The following PTN variants were observed in gnomAD, a reference collection of about 807,000 sequenced individuals.
The protein encoded by PTN is pleiotrophin.
Under a neutral mutation model 24.1 loss-of-function variants are expected in PTN, and 18 were observed. That is an observed-to-expected ratio of 0.75 (90% CI 0.52 to 1.11). The LOEUF is 1.11. Ranked by LOEUF, PTN falls within the 50% of genes least tolerant of loss-of-function variation. The pLI is 0.00. For missense variants in PTN, 163 were observed against 198.8 expected, an observed-to-expected ratio of 0.82 and a Z score of 1.08; for synonymous variants, 78 against 68.6, an observed-to-expected ratio of 1.14 and a Z score of -0.67.
intron 1 of PTN, among the ~76,000 whole-genome samples, chr7:137,341,092 A>T (rs563831020): frequency 6.6e-6 from 1 of 152,350 alleles, no homozygotes; most frequent in African/African-American, 2.4e-5. Context: ...ACAAATAGGA[A>T]TATGGTCAGA....
At chr7:137,272,309 T>C (rs2128874546) in intron 1 of PTN, among the ~76,000 whole-genome samples, 1 of 152,350 alleles carries the variant, frequency 6.6e-6, no homozygotes, top group South Asian at 2.1e-4. Context: ...GAAGTACTTA[T>C]AATTATTTAA....
chr7:137,277,546 T>C (rs374030121), intron 1 of PTN, among the ~76,000 whole-genome samples: 234 of 152,216 alleles, frequency 1.5e-3, no homozygotes, highest in African/African-American at 5.4e-3. Flanking sequence ...AATTGTAGTA[T>C]AGTCAAACAA....
At chr7:137,329,090 T>C (rs1184408446) in intron 1 of PTN, among the ~76,000 whole-genome samples, 2 of 152,180 alleles carry the variant, frequency 1.3e-5, no homozygotes, top group African/African-American at 4.8e-5. Context: ...AAGTTACTTC[T>C]GAGATACATT....
At chr7:137,296,137 TTAAGTA>T (rs1357825184) in intron 1 of PTN, among the ~76,000 whole-genome samples, 10 of 152,206 alleles carry the variant, frequency 6.6e-5, no homozygotes, top group East Asian at 1.9e-4. Context: ...CTCCATCTCT[TTAAGTA>T]TAAGTACTAA....
At position 137,228,517 on chromosome 7, in the gene PTN, G is replaced by A. The variant is rs115241237; in HGVS notation, c.452-442C>T. Reference sequence around the variant, plus strand: ...CCCTCATTTCCCCCATTCCCTTTCCGTAGGACTCTTTGATAGTATATTTTC... The same window carrying A: ...CCCTCATTTCCCCCATTCCCTTTCCATAGGACTCTTTGATAGTATATTTTC... On this transcript the variant is annotated intron_variant, in intron 4 of 4. Transcript: ENST00000348225. Among the ~76,000 whole-genome samples the A allele has an allele frequency of 4.8e-3, 732 of 151,712 alleles. 7 individuals carry two copies. The highest frequency in any genetic ancestry group is 0.017 in the African/African-American group (700 of 41,454).
chr7:137,336,425 T>C (rs1273863149), intron 1 of PTN, among the ~76,000 whole-genome samples: 1 of 152,062 alleles, frequency 6.6e-6, no homozygotes. Context: ...AGGTCAGCAA[T>C]AAAGTGCCTG....
At chr7:137,280,583 G>T (rs1809450937) in intron 1 of PTN, among the ~76,000 whole-genome samples, 1 of 151,150 alleles carries the variant, frequency 6.6e-6, no homozygotes, top group Admixed American at 6.6e-5. Context: ...GCTGTGCGTG[G>T]TGGCTCATGC....
At chr7:137,298,711 CA>C (rs1245270426) in intron 1 of PTN, among the ~76,000 whole-genome samples, 1 of 151,976 alleles carries the variant, frequency 6.6e-6, no homozygotes, top group Non-Finnish European at 1.5e-5. Context: ...CCAACTCTGT[CA>C]ACTCCCTTTG....
chr7:137,308,829 C>T (rs1252569496), intron 1 of PTN, among the ~76,000 whole-genome samples: 2 of 152,064 alleles, frequency 1.3e-5, no homozygotes, highest in Non-Finnish European at 2.9e-5. Flanking sequence ...ATCAGATAAC[C>T]CTAAACTTAC....
intron 1 of PTN, among the ~76,000 whole-genome samples, chr7:137,312,970 T>C (rs1052430873): frequency 2.6e-5 from 4 of 152,212 alleles, no homozygotes; most frequent in Non-Finnish European, 4.4e-5. Flanking sequence ...TTTAATATTT[T>C]ATGTACTCTG....
chr7:137,298,385 T>C (rs1348660779), intron 1 of PTN, among the ~76,000 whole-genome samples: 2 of 151,354 alleles, frequency 1.3e-5, no homozygotes, highest in Non-Finnish European at 1.5e-5. Context: ...AGCTATTTAG[T>C]GTAGTAGTTT....
chr7:137,328,703 G>A (rs538892245), intron 1 of PTN, among the ~76,000 whole-genome samples: 3 of 152,158 alleles, frequency 2.0e-5, no homozygotes, highest in Admixed American at 6.5e-5. Flanking sequence ...TACTCCCAGC[G>A]GTCCCTTTCC....
At chr7:137,305,169 C>A (rs190291482) in intron 1 of PTN, among the ~76,000 whole-genome samples, 1 of 151,958 alleles carries the variant, frequency 6.6e-6, no homozygotes, top group Non-Finnish European at 1.5e-5. Flanking sequence ...ATATAAAAAT[C>A]GGCACTAAAT....
intron 4 of PTN, among the ~76,000 whole-genome samples, chr7:137,240,441 A>T (rs1808609192): frequency 6.6e-6 from 1 of 152,172 alleles, no homozygotes; most frequent in Non-Finnish European, 1.5e-5. Flanking sequence ...CTCCTACTAC[A>T]CTGTAAGACC....
At chr7:137,232,468 T>A (rs1808444901) in intron 4 of PTN, among the ~76,000 whole-genome samples, 1 of 151,884 alleles carries the variant, frequency 6.6e-6, no homozygotes, top group Admixed American at 6.6e-5. Flanking sequence ...GGTTTTTAAA[T>A]ACAAATACAT....
chr7:137,227,945 T>C lies in PTN; in HGVS notation c.*75A>G. 5 of 1,564,190 alleles carry C rather than the reference T, an allele frequency of 3.2e-6. No individual in the cohort carries two copies. The highest frequency in any genetic ancestry group is 4.3e-6 in the Non-Finnish European group (5 of 1,160,102). On this transcript the variant is annotated 3_prime_UTR_variant, in exon 5 of 5. Coordinates refer to ENST00000348225, the MANE Select transcript of PTN (RefSeq NM_002825.7). ...ATAGATAATTTTTGAATACAAAGCC[T>C]ACGGTACATATAAATGCAATAGTTA...
At chr7:137,232,300 C>A (rs1218758557) in intron 4 of PTN, among the ~76,000 whole-genome samples, 1 of 151,982 alleles carries the variant, frequency 6.6e-6, no homozygotes, top group East Asian at 1.9e-4. Flanking sequence ...GCACTGGAAT[C>A]TCACAGCAGT....
intron 1 of PTN, among the ~76,000 whole-genome samples, chr7:137,319,244 T>A (rs543561356): frequency 4.1e-4 from 62 of 152,326 alleles, no homozygotes; most frequent in African/African-American, 1.4e-3. Context: ...ATGGGATTAA[T>A]TAGTTTCCAC....
At chr7:137,236,636 G>A (rs1375107491) in intron 4 of PTN, among the ~76,000 whole-genome samples, 3 of 151,884 alleles carry the variant, frequency 2.0e-5, no homozygotes, top group Admixed American at 2.0e-4. Context: ...CAGATTCATC[G>A]ACCTCTATAC....
Sources: gnomAD v4.1 joint callset for allele counts (sites outside exome capture counted in the v4.1 genomes callset) on GRCh38, gnomAD v4.1.1 for gene constraint, MANE v1.5 for transcripts, NCBI Gene and HGNC (gene_info 2026-07-23, HGNC 2026-07-21) for gene names.